Variants in SNTG1 observed in about 807,000 individuals in gnomAD.
SNTG1 encodes syntrophin gamma 1, also known as gamma-1-syntrophin.
SNTG1 carries 39 observed loss-of-function variants against 74.7 expected under a neutral mutation model. The observed-to-expected ratio is 0.52, with a 90% CI of 0.40 to 0.68. The LOEUF is 0.68. Ranked by LOEUF, SNTG1 falls within the 30% of genes least tolerant of loss-of-function variation. The probability of loss-of-function intolerance (pLI) is 0.00; values close to 1 mark genes in which losing one functional copy is unlikely to be tolerated. For synonymous variants in SNTG1, 254 were observed against 217.1 expected (o/e 1.17, Z -1.49); for missense variants, 685 against 609.5 (o/e 1.12, Z -1.30).
chr8:50,076,704 G>A (rs1035859209), intron 1 of SNTG1, among the ~76,000 whole-genome samples: 1 of 151,982 alleles, frequency 6.6e-6, no homozygotes, highest in Non-Finnish European at 1.5e-5. Flanking sequence ...TAGTAATTAA[G>A]CTTTCATATA....
rs184258237 is a variant in SNTG1 at position 50,581,996 on chromosome 8, C to A, written c.811-8883C>A. Among the ~76,000 whole-genome samples the A allele has an allele frequency of 3.6e-3, 547 of 152,244 alleles. 5 individuals carry two copies. Among genetic ancestry groups the A allele is most frequent in the South Asian group, 0.024 (118 of 4,832 alleles). The stretch of plus-strand genomic sequence containing the variant: ...TTTTAGAGAGTCCTTGGAAACAGTT[C>A]TTTTCTTAGACATGTAATCATGAGT... On this transcript the variant is annotated intron_variant, in intron 12 of 18. Coordinates refer to ENST00000642720, the MANE Select transcript of SNTG1 (RefSeq NM_018967.5).
At chr8:50,483,605 G>C (rs1024283477) in intron 8 of SNTG1, among the ~76,000 whole-genome samples, 1 of 152,010 alleles carries the variant, frequency 6.6e-6, no homozygotes, top group Non-Finnish European at 1.5e-5. Flanking sequence ...TTAAAATTCA[G>C]AATAGCATGT....
intron 9 of SNTG1, among the ~76,000 whole-genome samples, chr8:50,513,329 G>C (rs915883486): frequency 2.0e-5 from 3 of 152,158 alleles, no homozygotes; most frequent in Non-Finnish European, 2.9e-5. Context: ...TGCCCCTACT[G>C]GGGGGTGCCT....
At chr8:50,118,129 T>A (rs2080884973) in intron 1 of SNTG1, among the ~76,000 whole-genome samples, 1 of 152,174 alleles carries the variant, frequency 6.6e-6, no homozygotes, top group South Asian at 2.1e-4. Flanking sequence ...ACCAGCCACT[T>A]GGGAATATGA....
At chr8:50,625,515 C>A (rs2131072358) in intron 13 of SNTG1, among the ~76,000 whole-genome samples, 1 of 152,210 alleles carries the variant, frequency 6.6e-6, no homozygotes, top group South Asian at 2.1e-4. Context: ...TTTTTGTCAA[C>A]TAAAAATCAA....
chr8:50,762,870 C>A, intron 18 of SNTG1: 2 of 309,622 alleles, frequency 6.5e-6, no homozygotes, highest in Non-Finnish European at 1.3e-5. Flanking sequence ...ACTCTATTGC[C>A]TTAGCTATTT....
chr8:50,382,319 GT>G (rs2092501503), intron 2 of SNTG1: 1 of 151,920 alleles, frequency 6.6e-6, no homozygotes, highest in South Asian at 2.1e-4. Flanking sequence ...GAAATATCTA[GT>G]ATATATTATA....
intron 9 of SNTG1, among the ~76,000 whole-genome samples, chr8:50,522,741 G>T (rs924896874): frequency 3.3e-5 from 5 of 152,020 alleles, no homozygotes; most frequent in Admixed American, 2.6e-4. Context: ...GCCATGCCCG[G>T]CTTATTTCTG....
chr8:50,606,949 T>G (rs1450790092), intron 13 of SNTG1, among the ~76,000 whole-genome samples: 1 of 151,886 alleles, frequency 6.6e-6, no homozygotes, highest in Non-Finnish European at 1.5e-5. Flanking sequence ...GTTTTTATCC[T>G]TTTTATTTAT....
chr8:50,050,555 C>T (rs981532313), intron 1 of SNTG1, among the ~76,000 whole-genome samples: 1 of 152,012 alleles, frequency 6.6e-6, no homozygotes, highest in Admixed American at 6.6e-5. Context: ...TAAGTAAAAA[C>T]TTCCCAAATA....
chr8:50,183,683 C>T (rs181548250), intron 2 of SNTG1, among the ~76,000 whole-genome samples: 2 of 152,208 alleles, frequency 1.3e-5, no homozygotes, highest in Admixed American at 1.3e-4. Context: ...TCTGCTTCCC[C>T]AAGTAGCAAA....
At chr8:50,134,969 C>T (rs1212204710) in intron 1 of SNTG1, among the ~76,000 whole-genome samples, 5 of 152,106 alleles carry the variant, frequency 3.3e-5, no homozygotes. Context: ...TAGCATAGAA[C>T]TGATCCTGGA....
intron 1 of SNTG1, among the ~76,000 whole-genome samples, chr8:49,918,525 T>C (rs1806244790): frequency 6.6e-6 from 1 of 152,220 alleles, no homozygotes; most frequent in Non-Finnish European, 1.5e-5. Context: ...ACAGATAATT[T>C]CTTTAGAAAG....
chr8:50,579,401 A>G (rs189495042), intron 12 of SNTG1, among the ~76,000 whole-genome samples: 3 of 152,332 alleles, frequency 2.0e-5, no homozygotes, highest in Admixed American at 2.0e-4. Context: ...CTAGGGTGAC[A>G]TTCAAGTAGG....
chr8:50,200,029 A>G (rs1384925842), intron 2 of SNTG1, among the ~76,000 whole-genome samples: 1 of 152,116 alleles, frequency 6.6e-6, no homozygotes, highest in Admixed American at 6.6e-5. Context: ...AGTCTGAATA[A>G]TATAAATGCT....
chr8:50,765,404 T>C (rs2095611183), intron 18 of SNTG1, among the ~76,000 whole-genome samples: 1 of 151,912 alleles, frequency 6.6e-6, no homozygotes, highest in African/African-American at 2.4e-5. Context: ...CACTATCTTG[T>C]TTGGGGGATA....
intron 18 of SNTG1, among the ~76,000 whole-genome samples, chr8:50,783,777 T>A (rs4358812): frequency 6.6e-6 from 1 of 152,000 alleles, no homozygotes; most frequent in South Asian, 2.1e-4. Flanking sequence ...CAGAAATCAC[T>A]GGTCTTCTGC....
At chr8:50,544,114 T>C (rs2094368565) in intron 11 of SNTG1, among the ~76,000 whole-genome samples, 3 of 152,142 alleles carry the variant, frequency 2.0e-5, no homozygotes, top group Admixed American at 2.0e-4. Context: ...TTACCTCTTG[T>C]AATAATTAAA....
chr8:50,681,219 C>T (rs1485346979), intron 15 of SNTG1, among the ~76,000 whole-genome samples: 1 of 151,804 alleles, frequency 6.6e-6, no homozygotes, highest in Admixed American at 6.6e-5. Flanking sequence ...TGGAATTATG[C>T]AGGTTACATG....
Sources: allele counts gnomAD v4.1 joint callset (sites outside exome capture counted in the v4.1 genomes callset), GRCh38; gene constraint gnomAD v4.1.1; transcripts MANE v1.5; gene names NCBI Gene and HGNC (gene_info 2026-07-23, HGNC 2026-07-21).